The following F7 variants were observed in gnomAD, a reference collection of about 807,000 sequenced individuals.
The protein encoded by F7 is coagulation factor VII, also known as FVII coagulation protein.
A neutral mutation model predicts 47.5 loss-of-function variants in F7; 38 were observed. The ratio of observed to expected loss-of-function variants is 0.80; its 90% CI spans 0.62 to 1.05. The LOEUF (loss-of-function observed/expected upper bound fraction) is 1.05. F7 is among the 50% of genes least tolerant of loss of function. The probability of loss-of-function intolerance (pLI) is 0.00; values close to 1 mark genes in which losing one functional copy is unlikely to be tolerated. For synonymous variants in F7, 244 were observed against 258.5 expected, an observed-to-expected ratio of 0.94 and a Z score of 0.54; for missense variants, 575 against 605.4, an observed-to-expected ratio of 0.95 and a Z score of 0.53.
At chr13:113,117,723 C>A (rs574639660) in intron 7 of F7, 127 bp downstream of exon 7, 2 of 1,511,174 alleles carry the variant, frequency 1.3e-6, no homozygotes, top group African/African-American at 2.8e-5. Context: ...TGCCACTCTC[C>A]CCTGTCCGAC....
intron 1 of F7, among the ~76,000 whole-genome samples, chr13:113,109,948 C>G (rs2036057037): frequency 6.6e-6 from 1 of 152,220 alleles, no homozygotes; most frequent in Non-Finnish European, 1.5e-5. Flanking sequence ...GCCCCGTCTT[C>G]CCATGGGCAA....
chr13:113,113,630 G>A lies in F7; in HGVS notation c.226-122G>A. ...GCTCCAGAGGAAAGTCTGGCTTCCT[G>A]AGCCCACCCCGCCAGACCCAGGTCC... On this transcript the variant is annotated intron_variant, in intron 2 of 7. Coordinates refer to ENST00000346342, the MANE Select transcript of F7 (RefSeq NM_019616.4). This position sits in a 1 kb window ranked among gnomAD's most constrained non-coding sequence, Gnocchi z 4.1. The A allele has an allele frequency of 1.0e-6, 1 of 1,002,802 alleles. No homozygotes were observed. The highest frequency in any genetic ancestry group is 1.3e-5 in the South Asian group (1 of 78,710). The allele number at this position is 1,002,802 out of a possible 1,614,324, so 62.1% of individuals were successfully genotyped here.
chr13:113,115,093 C>T (rs1842431209), intron 4 of F7, among the ~76,000 whole-genome samples: 1 of 152,222 alleles, frequency 6.6e-6, no homozygotes, highest in African/African-American at 2.4e-5. Flanking sequence ...GGCAGGCCTT[C>T]CCGCCGGAGT....
At position 113,110,769 on chromosome 13, in the gene F7, G is replaced by T. The variant is rs781653465; in HGVS notation, c.144G>T (p.Pro48=). Residue 48 remains proline, a synonymous_variant, in exon 2 of 8, where the codon CCG becomes CCT. Coordinates refer to ENST00000346342, the MANE Select transcript of F7 (RefSeq NM_019616.4). The stretch of plus-strand genomic sequence containing the variant: ...ACGCGTTCCTGGAGGAGCTGCGGCC[G>T]GGCTCCCTGGAGAGGGAGTGCAAGG... ...RANAFLEELR[P]GSLERECKEE... 6.5e-7 allele frequency: 1 copy of T among 1,550,156 alleles called. No homozygotes were observed. The highest frequency in any genetic ancestry group is 2.4e-5 in the East Asian group (1 of 40,972).
chr13:113,118,774 T>C lies in F7; in HGVS notation c.1101T>C (p.Cys367=). 1.2e-6 allele frequency: 2 copies of C among 1,613,170 alleles called. No individual in the cohort carries two copies. The highest frequency in any genetic ancestry group is 1.7e-6 in the Non-Finnish European group (2 of 1,179,990). The change falls in exon 8 of 8, where the codon TGT becomes TGC. Residue 367 remains cysteine (C), a synonymous_variant. Coordinates refer to ENST00000346342, the MANE Select transcript of F7 (RefSeq NM_019616.4). ...CAAATATCACGGAGTACATGTTCTG[T>C]GCCGGCTACTCGGATGGCAGCAAGG... ...DSPNITEYMF[C]AGYSDGSKDS... is the part of the protein sequence containing the mutation.
chr13:113,116,013 G>A (rs2036187627), intron 5 of F7, among the ~76,000 whole-genome samples: 1 of 152,198 alleles, frequency 6.6e-6, no homozygotes, highest in Non-Finnish European at 1.5e-5. Flanking sequence ...TCCCTGAATG[G>A]CCTCAGGCCC....
At chr13:113,112,774 C>T (rs938527120) in intron 2 of F7, among the ~76,000 whole-genome samples, 16 of 150,426 alleles carry the variant, frequency 1.1e-4, no homozygotes, top group African/African-American at 3.7e-4. Context: ...CATAGGTCAC[C>T]TCAGTCTTAC....
In F7 at chr13:113,115,737, C is replaced by T. The variant is rs779834113; in HGVS notation, c.442C>T (p.Arg148Cys). The T allele has an allele frequency of 4.3e-6, 7 of 1,613,104 alleles. No individual in the cohort carries two copies. The highest frequency in any genetic ancestry group is 5.9e-6 in the Non-Finnish European group (7 of 1,180,000). The change falls in exon 5 of 8, where the codon CGC becomes TGC. Residue 148 changes from arginine to cysteine, a missense_variant. Physicochemically the swap from Arg to Cys is radical, Grantham distance 180. Transcript: ENST00000346342. ...QYCSDHTGTK[R>C]SCRCHEGYSL... Reference sequence around the variant, plus strand: ...CTGCAGTGACCACACGGGCACCAAGCGCTCCTGTCGGTGCCACGAGGGGTA... The same window carrying T: ...CTGCAGTGACCACACGGGCACCAAGTGCTCCTGTCGGTGCCACGAGGGGTA...
rs1400874715 is a variant in F7 at position 113,107,057 on chromosome 13, CGCTCCA to C, written c.64+1156_64+1161del. 3.3e-6 allele frequency: 3 copies of C among 902,114 alleles called. No individual in the cohort carries two copies. The African/African-American group carries it at 5.0e-5, about 15-fold the overall frequency. 55.9% of individuals were successfully genotyped at this position (902,114 alleles called of 1,614,324 possible). ...TGTTCCCTGCTCGAGAGGAAGTGAC[CGCTCCA>C]GCTTGGCCTTCCCTGGGACTGGGGT... On this transcript the variant is annotated intron_variant, in intron 1 of 7. Transcript: ENST00000346342.
At position 113,110,717 on chromosome 13, in the gene F7, G is replaced by A. The variant is rs1440487911; in HGVS notation, c.92G>A (p.Gly31Asp). The A allele has an allele frequency of 6.5e-7, 1 of 1,548,712 alleles. No individual in the cohort carries two copies. The highest frequency in any genetic ancestry group is 2.4e-5 in the East Asian group (1 of 40,856). Residue 31 changes from glycine (G) to aspartate (D), a missense_variant, in exon 2 of 8, where the codon GGC (glycine) becomes GAC (aspartate). Physicochemically the swap from Gly to Asp is moderately conservative, Grantham distance 94. Transcript: ENST00000346342. The stretch of plus-strand genomic sequence containing the variant: ...TTCGTAACCCAGGAGGAAGCCCACG[G>A]CGTCCTGCACCGGCGCCGGCGCGCC... ...AVFVTQEEAH[G>D]VLHRRRRANA...
At chr13:113,110,605 G>A in intron 1 of F7, 85 bp from the exon 2 acceptor site, 1 of 1,528,804 alleles carries the variant, frequency 6.5e-7, no homozygotes, top group Non-Finnish European at 8.8e-7. Context: ...AACCTGCGAT[G>A]CCCCCGCCGC....
At position 113,119,030 on chromosome 13, in the gene F7, A is replaced by C; in HGVS notation, c.*22A>C. The C allele has an allele frequency of 1.3e-6, 2 of 1,593,190 alleles. No homozygotes were observed. The highest frequency in any genetic ancestry group is 2.2e-5 in the East Asian group (1 of 44,690). On this transcript the variant is annotated 3_prime_UTR_variant, in exon 8 of 8. Coordinates refer to ENST00000346342, the MANE Select transcript of F7 (RefSeq NM_019616.4). Reference sequence around the variant, plus strand: ...CTAGCCCAGCAGCCCTGGCCTGTGGAGAGAAAGCCAAGGCTGCGTCGAACT... The same window carrying C: ...CTAGCCCAGCAGCCCTGGCCTGTGGCGAGAAAGCCAAGGCTGCGTCGAACT...
At chr13:113,118,375 G>A (rs1220394841) in intron 7 of F7, 38 bp from the exon 8 acceptor site, 2 of 1,560,176 alleles carry the variant, frequency 1.3e-6, no homozygotes, top group African/African-American at 1.3e-5. Context: ...GAGGTGGCAG[G>A]TGGTGGAAAG....
intron 1 of F7, among the ~76,000 whole-genome samples, chr13:113,109,957 A>G (rs1244104460): frequency 1.3e-5 from 2 of 152,218 alleles, no homozygotes; most frequent in Non-Finnish European, 2.9e-5. Flanking sequence ...TCCCATGGGC[A>G]AAACGGCGGT....
chr13:113,119,459 G>T lies in F7; in HGVS notation c.*451G>T. The T allele has an allele frequency of 4.6e-6, 1 of 219,702 alleles. No individual in the cohort carries two copies. The highest frequency in any genetic ancestry group is 9.1e-6 in the Non-Finnish European group (1 of 109,520). 13.6% of individuals were successfully genotyped at this position (219,702 alleles called of 1,614,324 possible). A position where few individuals can be genotyped will look rare whatever the true frequency, so the allele number is the denominator to read the frequency against. ...AGTAGAGGCATGAACACACATGGATGCACACACACACACGCCAATGCACAC... is the reference window on the plus strand; with the variant it reads ...AGTAGAGGCATGAACACACATGGATTCACACACACACACGCCAATGCACAC... On this transcript the variant is annotated 3_prime_UTR_variant, in exon 8 of 8. Coordinates refer to ENST00000346342, the MANE Select transcript of F7 (RefSeq NM_019616.4).
At position 113,115,793 on chromosome 13, in the gene F7, A is replaced by T. The variant is rs1426762631; in HGVS notation, c.498A>T (p.Thr166=). The stretch of plus-strand genomic sequence containing the variant: ...TGCTGGCAGACGGGGTGTCCTGCAC[A>T]CCCACAGGTGACCAGGCTTCATGTC... ...YSLLADGVSC[T]PTVEYPCGKI... Residue 166 remains threonine (T), a synonymous_variant, in exon 5 of 8, where the codon ACA becomes ACT. Transcript: ENST00000346342. 6.2e-7 allele frequency: 1 copy of T among 1,613,214 alleles called. No individual in the cohort carries two copies. Among genetic ancestry groups the T allele is most frequent in the East Asian group, 2.2e-5 (1 of 44,870 alleles).
chr13:113,115,362 C>T lies in F7; in HGVS notation c.365-298C>T, dbSNP rs531150589. On this transcript the variant is annotated intron_variant, in intron 4 of 7. Coordinates refer to ENST00000346342, the MANE Select transcript of F7 (RefSeq NM_019616.4). ...TTCCCCCAGGCTCCCATCAGCTGCTCGGAAGAGTGGTCACCCTGGAGGCCA... is the reference window on the plus strand; with the variant it reads ...TTCCCCCAGGCTCCCATCAGCTGCTTGGAAGAGTGGTCACCCTGGAGGCCA... Among the ~76,000 whole-genome samples, 335 of 152,328 alleles carry T rather than the reference C, an allele frequency of 2.2e-3. 1 individual carries two copies. The highest frequency in any genetic ancestry group is 7.2e-3 in the African/African-American group (300 of 41,584).
intron 4 of F7, among the ~76,000 whole-genome samples, chr13:113,114,177 G>A (rs2036153205): frequency 1.3e-5 from 2 of 152,146 alleles, no homozygotes; most frequent in South Asian, 4.1e-4. Flanking sequence ...CAGACTCAGT[G>A]GCCCCTTGGG....
intron 1 of F7, among the ~76,000 whole-genome samples, chr13:113,107,972 G>A (rs1453801654): frequency 1.6e-5 from 1 of 61,934 alleles, no homozygotes; most frequent in African/African-American, 5.6e-5. Context: ...TGTCCCGGGA[G>A]TGTGGGTGTT....
Sources: allele counts gnomAD v4.1 joint callset (sites outside exome capture counted in the v4.1 genomes callset), GRCh38; gene constraint gnomAD v4.1.1; non-coding constraint Gnocchi (gnomAD v3.1); transcripts MANE v1.5; gene names NCBI Gene and HGNC (gene_info 2026-07-23, HGNC 2026-07-21).